The following NPRL3 variants were observed in gnomAD, a reference collection of about 807,000 sequenced individuals.
NPRL3 encodes GATOR1 complex protein NPRL3.
NPRL3 carries 23 observed loss-of-function variants against 57.2 expected under a neutral mutation model. The ratio of observed to expected loss-of-function variants is 0.40; its 90% CI spans 0.29 to 0.57. The LOEUF is 0.57. Among genes scored for constraint, NPRL3 ranks in the 20% least tolerant of loss-of-function variants. The pLI, the probability that NPRL3 is intolerant of heterozygous loss-of-function variation, is 0.42. For synonymous variants in NPRL3, 333 were observed against 321.1 expected (o/e 1.04, Z -0.39); for missense variants, 691 against 767.1 (o/e 0.90, Z 1.17).
At chr16:96,141 A>G (rs1898995032) in intron 9 of NPRL3, among the ~76,000 whole-genome samples, 1 of 152,204 alleles carries the variant, frequency 6.6e-6, no homozygotes, top group Non-Finnish European at 1.5e-5. Context: ...AGCTTTGTCC[A>G]AGGAGACTCT....
intron 3 of NPRL3, 128 bp downstream of exon 3, chr16:130,394 C>T: frequency 1.1e-6 from 1 of 893,166 alleles, no homozygotes; most frequent in Non-Finnish European, 1.7e-6. Context: ...TGAGAGCACC[C>T]ACTAAACGGA....
At chr16:138,055 CA>C (rs1901192840) in intron 2 of NPRL3, 94 bp downstream of exon 2, 3 of 878,040 alleles carry the variant, frequency 3.4e-6, no homozygotes, top group Non-Finnish European at 5.4e-6. Context: ...GAATGCCCAG[CA>C]AAAGCTAAGC....
chr16:93,193 A>G, intron 10 of NPRL3, 26 bp downstream of exon 10: 1 of 1,452,414 alleles, frequency 6.9e-7, no homozygotes, highest in Non-Finnish European at 9.5e-7. Flanking sequence ...TCGGGGCTCC[A>G]GGCTCTGGCA....
chr16:85,743 TC>T lies in NPRL3; in HGVS notation c.*961del. On this transcript the variant is annotated 3_prime_UTR_variant, in exon 14 of 14. Transcript: ENST00000611875. Reference sequence around the variant, plus strand: ...CGGGGCAGCCCCTGGGTCAGTGTGGTCGACAGAGTGGCTGAGCAGGACACAC... The same window carrying T: ...CGGGGCAGCCCCTGGGTCAGTGTGGTGACAGAGTGGCTGAGCAGGACACAC... 1.3e-6 allele frequency: 2 copies of T among 1,514,590 alleles called. No individual in the cohort carries two copies. Among genetic ancestry groups the T allele is most frequent in the Non-Finnish European group, 1.8e-6 (2 of 1,130,512 alleles). 93.8% of individuals were successfully genotyped at this position (1,514,590 alleles called of 1,614,324 possible). A position where few individuals can be genotyped will look rare whatever the true frequency, so the allele number is the denominator to read the frequency against.
chr16:104,821 C>G (rs1899458773), intron 7 of NPRL3, among the ~76,000 whole-genome samples: 1 of 152,176 alleles, frequency 6.6e-6, no homozygotes, highest in Non-Finnish European at 1.5e-5. Context: ...AGAGGGATGA[C>G]TGCTCTGGAA....
At chr16:96,150 C>A (rs909500538) in intron 9 of NPRL3, among the ~76,000 whole-genome samples, 4 of 152,212 alleles carry the variant, frequency 2.6e-5, no homozygotes, top group African/African-American at 9.6e-5. Context: ...CAAGGAGACT[C>A]TGAGAGCAAG....
At chr16:117,177 C>T in intron 5 of NPRL3, 124 bp downstream of exon 5, 3 of 634,550 alleles carry the variant, frequency 4.7e-6, no homozygotes, top group Non-Finnish European at 8.5e-6. Context: ...AGTCTGCCTG[C>T]ACCCCAGGAG....
In NPRL3 at chr16:93,312, G is replaced by A; in HGVS notation, c.938C>T (p.Ala313Val). The change falls in exon 10 of 14, where the codon GCA becomes GTA. Residue 313 changes from alanine (A) to valine (V), a missense_variant. Ala to Val is a moderately conservative substitution (Grantham distance 64). Coordinates refer to ENST00000611875, the MANE Select transcript of NPRL3 (RefSeq NM_001077350.3). ...CTTGCCCCAGTACACCAGATGAGCT[G>A]CAAGCTGGAAAACCTGCAGGCAAAA... The part of the protein sequence containing the change: ...DLALLQVFQL[A>V]AHLVYWGKAI... 2 of 1,555,868 alleles carry A rather than the reference G, an allele frequency of 1.3e-6. No individual in the cohort carries two copies. The highest frequency in any genetic ancestry group is 1.2e-5 in the South Asian group (1 of 84,216).
chr16:130,112 G>A (rs1303691932), intron 3 of NPRL3, among the ~76,000 whole-genome samples: 4 of 152,126 alleles, frequency 2.6e-5, no homozygotes, highest in Non-Finnish European at 5.9e-5. Context: ...CCTGAGCCTG[G>A]ACACCAAGAA....
At chr16:123,929 A>C (rs112155679) in intron 3 of NPRL3, among the ~76,000 whole-genome samples, 188 of 10,986 alleles carry the variant, frequency 0.017, 72 homozygotes, top group Non-Finnish European at 0.024. Context: ...AGGGTCACAC[A>C]CTCCCCACGT....
Position 119,146 on chromosome 16 carries a change from G to A in NPRL3, c.298C>T (p.Leu100=). 3.1e-6 allele frequency: 5 copies of A among 1,613,622 alleles called. No homozygotes were observed. Among genetic ancestry groups the A allele is most frequent in the Non-Finnish European group, 4.2e-6 (5 of 1,179,722 alleles). ...CATACCTGCCCCAGAGCATGCTGTA[G>A]CAGTGTTGGGTGCCCAACAAATCGC... The part of the protein sequence containing the change: ...NVRFVGHPTL[L]QHALGQISKT... Residue 100 remains leucine, a synonymous_variant, in exon 4 of 14, where the codon CTA becomes TTA. Transcript: ENST00000611875.
Position 113,398 on chromosome 16 carries a change from G to A in NPRL3, c.394-623C>T, listed in dbSNP as rs567199138. On this transcript the variant is annotated intron_variant, in intron 5 of 13. Coordinates refer to ENST00000611875, the MANE Select transcript of NPRL3 (RefSeq NM_001077350.3). ...CACTGGTTAACAAGAAAACCAGCAG[G>A]CTCCAGGCCCATATCTCTGCCCAAG... is the stretch of plus-strand genomic sequence containing the variant. Among the ~76,000 whole-genome samples the A allele has an allele frequency of 3.9e-5, 6 of 152,306 alleles. No individual in the cohort carries two copies. In the East Asian group the frequency reaches 1.2e-3, roughly 29 times the overall value.
intron 2 of NPRL3, among the ~76,000 whole-genome samples, chr16:131,429 A>C (rs1013616198): frequency 7.2e-6 from 1 of 138,062 alleles, no homozygotes; most frequent in Non-Finnish European, 1.5e-5. Context: ...CAGTGAGCCA[A>C]GATCGCGCCA....
chr16:126,987 C>G (rs1900547618), intron 3 of NPRL3: 1 of 152,226 alleles, frequency 6.6e-6, no homozygotes, highest in African/African-American at 2.4e-5. Flanking sequence ...CCTCTCACCT[C>G]AGCCTCCTGA....
Position 100,505 on chromosome 16 carries a change from A to G in NPRL3, c.634T>C (p.Cys212Arg). 1 of 1,576,186 alleles carries G rather than the reference A, an allele frequency of 6.3e-7. No homozygotes were observed. Among genetic ancestry groups the G allele is most frequent in the Non-Finnish European group, 8.6e-7 (1 of 1,164,294 alleles). The change falls in exon 8 of 14, where the codon TGC becomes CGC. Residue 212 changes from cysteine to arginine, a missense_variant. Cys to Arg is a radical substitution (Grantham distance 180). Coordinates refer to ENST00000611875, the MANE Select transcript of NPRL3 (RefSeq NM_001077350.3). ...TGAAGCCGAACTACGCCCGACGTGC[A>G]CAGGCTGCAGAGAGTGGGCGCTGTT... Reference protein sequence around the residue: ...RDLKEAYDSLCTSGVVRLHIN... With the variant: ...RDLKEAYDSLRTSGVVRLHIN...
intron 3 of NPRL3, among the ~76,000 whole-genome samples, chr16:127,901 C>T (rs375990297): frequency 2.2e-4 from 33 of 152,068 alleles, no homozygotes; most frequent in African/African-American, 7.5e-4. Context: ...ATGATCCGCC[C>T]GCCTTGGCCT....
intron 2 of NPRL3, among the ~76,000 whole-genome samples, chr16:135,591 AGAGT>A (rs1475494345): frequency 6.8e-6 from 1 of 146,762 alleles, no homozygotes; most frequent in East Asian, 2.0e-4. Flanking sequence ...CCTGGGCAAC[AGAGT>A]GAGACTCTGT....
chr16:117,684 T>A (rs1405439390), intron 4 of NPRL3, among the ~76,000 whole-genome samples: 1 of 152,188 alleles, frequency 6.6e-6, no homozygotes, highest in African/African-American at 2.4e-5. Flanking sequence ...CCCCACTGCC[T>A]TCCCGTGCCC....
At chr16:100,556 A>C in intron 7 of NPRL3, 47 bp from the exon 8 acceptor site, 2 of 1,432,072 alleles carry the variant, frequency 1.4e-6, no homozygotes, top group Non-Finnish European at 1.8e-6. Context: ...CTTTCTAACC[A>C]TGCACACAGA....
Sources: allele counts gnomAD v4.1 joint callset (sites outside exome capture counted in the v4.1 genomes callset), GRCh38; gene constraint gnomAD v4.1.1; transcripts MANE v1.5; gene names NCBI Gene and HGNC (gene_info 2026-07-23, HGNC 2026-07-21).